SLC22A6: variants seen among roughly 807,000 people sequenced by gnomAD.
SLC22A6 encodes the protein solute carrier family 22 member 6.
Under a neutral mutation model 56.7 loss-of-function variants are expected in SLC22A6, and 45 were observed. That is an observed-to-expected ratio of 0.79 (90% CI 0.63 to 1.02). The LOEUF is 1.02. Ranked by LOEUF, SLC22A6 falls within the 50% of genes least tolerant of loss-of-function variation. SLC22A6 has a pLI of 0.00. For synonymous variants in SLC22A6, 291 were observed against 295.9 expected (o/e 0.98, Z 0.17); for missense variants, 606 against 713.8 (o/e 0.85, Z 1.72).
At chr11:62,981,236 A>G (rs2086250325) in intron 5 of SLC22A6, 24 bp downstream of exon 5, 1 of 1,609,486 alleles carries the variant, frequency 6.2e-7, no homozygotes, top group South Asian at 1.1e-5. Context: ...GGAGGTTATC[A>G]TGGGAAGTCT....
rs545206257 is a variant in SLC22A6 at position 62,984,331 on chromosome 11, G to A, written c.360C>T (p.Ile120=). ...IYDNSTFPST[I]VTEWDLVCSH... is the part of the protein sequence containing the mutation. ...AGCCCCAGGTGCTCACCTCAGTCAC[G>A]ATGGTAGATGGGAAGGTGCTGTTGT... Residue 120 remains isoleucine, a synonymous_variant, in exon 1 of 10, where the codon ATC becomes ATT. Transcript: ENST00000360421. 2.7e-4 allele frequency: 431 copies of A among 1,613,092 alleles called. 6 individuals carry two copies. The South Asian group carries it at 4.4e-3, about 17-fold the overall frequency.
rs1232369532 is a variant in SLC22A6, at chr11:62,983,692, CTG to C, written c.474-3_474-2del. On this transcript the variant is annotated splice_acceptor_variant and splice_polypyrimidine_tract_variant and intron_variant, in intron 2 of 9. Coordinates refer to ENST00000360421, the MANE Select transcript of SLC22A6 (RefSeq NM_153276.3). LOFTEE classifies it high-confidence loss of function. The surrounding 1 kb of genome is among the most constrained non-coding windows in gnomAD (Gnocchi z 4.5). Reference sequence around the variant, plus strand: ...GATGAGTACCTTCCGGCGGCCTAGCCTGTGGGAGGAGGGGAGACTTGTAGCAG... The same window carrying C: ...GATGAGTACCTTCCGGCGGCCTAGCCTGGGAGGAGGGGAGACTTGTAGCAG... The C allele has an allele frequency of 6.2e-7, 1 of 1,606,862 alleles. No individual in the cohort carries two copies.
chr11:62,982,087 C>T, intron 3 of SLC22A6, 77 bp from the exon 4 acceptor site: 2 of 1,447,804 alleles, frequency 1.4e-6, no homozygotes, highest in Admixed American at 2.1e-5. Flanking sequence ...TCCATCCAAA[C>T]CTTGGCCTGT....
Position 62,984,319 on chromosome 11 carries a change from C to A in SLC22A6, c.369+3G>T. ...CCCTGGATGGGGAGCCCCAGGTGCT[C>A]ACCTCAGTCACGATGGTAGATGGGA... On this transcript the variant is annotated splice_donor_region_variant and intron_variant, in intron 1 of 9. Transcript: ENST00000360421. 1 of 1,613,118 alleles carries A rather than the reference C, an allele frequency of 6.2e-7. No individual in the cohort carries two copies. Among genetic ancestry groups the A allele is most frequent in the Non-Finnish European group, 8.5e-7 (1 of 1,179,938 alleles).
rs534797513 is a variant in SLC22A6 at position 62,984,016 on chromosome 11, C to T, written c.401G>A (p.Arg134His). The T allele has an allele frequency of 1.4e-5, 22 of 1,613,704 alleles. No individual in the cohort carries two copies. Among genetic ancestry groups the T allele is most frequent in the South Asian group, 1.3e-4 (12 of 91,002 alleles). Reference sequence around the variant, plus strand: ...CATGTACAAGGACTGGGCCAGCTGGCGTAGGGCCCTGTGAGAGCACACAAG... The same window carrying T: ...CATGTACAAGGACTGGGCCAGCTGGTGTAGGGCCCTGTGAGAGCACACAAG... The part of the protein sequence containing the change: ...WDLVCSHRAL[R>H]QLAQSLYMVG... The change falls in exon 2 of 10, where the codon CGC becomes CAC. Residue 134 changes from arginine to histidine, a missense_variant. Coordinates refer to ENST00000360421, the MANE Select transcript of SLC22A6 (RefSeq NM_153276.3).
intron 6 of SLC22A6, among the ~76,000 whole-genome samples, chr11:62,980,556 AT>A (rs1590675501): frequency 6.6e-6 from 1 of 152,118 alleles, no homozygotes; most frequent in African/African-American, 2.4e-5. Flanking sequence ...GGAAAGGAAG[AT>A]TTTCTTTGGC....
Position 62,979,923 on chromosome 11 carries a change from C to G in SLC22A6, c.1063G>C (p.Gly355Arg), listed in dbSNP as rs776201897. Residue 355 changes from glycine (G) to arginine (R), a missense_variant, in exon 7 of 10, where the codon GGG becomes CGG. Physicochemically the swap from Gly to Arg is moderately radical, Grantham distance 125. Transcript: ENST00000360421. ...LWFATSFAYY[G>R]LVMDLQGFGV... is the part of the protein sequence containing the mutation. ...AAGCCCTGCAGGTCCATGACCAGCC[C>G]ATAGTATGCAAAGCTAGTGGCAAAC... 1 of 1,613,624 alleles carries G rather than the reference C, an allele frequency of 6.2e-7. No individual in the cohort carries two copies. Among genetic ancestry groups the G allele is most frequent in the Non-Finnish European group, 8.5e-7 (1 of 1,179,580 alleles).
At position 62,977,355 on chromosome 11, in the gene SLC22A6, G is replaced by T. The variant is rs750738017; in HGVS notation, c.1394C>A (p.Ala465Asp). ...QTGMGMGSTM[A>D]RVGSIVSPLV... is the part of the protein sequence containing the mutation. ...TGGGCTCACGATGCTGCCCACTCGGGCCATGGTGCTGCCCATTCCCATGCC... is the reference window on the plus strand; with the variant it reads ...TGGGCTCACGATGCTGCCCACTCGGTCCATGGTGCTGCCCATTCCCATGCC... The change falls in exon 9 of 10, where the codon GCC (alanine) becomes GAC (aspartate). Residue 465 changes from alanine (A) to aspartate (D), a missense_variant. Physicochemically the swap from Ala to Asp is moderately radical, Grantham distance 126 (BLOSUM62 -2). Transcript: ENST00000360421. 3.1e-6 allele frequency: 5 copies of T among 1,612,132 alleles called. No homozygotes were observed. The Admixed American group carries it at 6.7e-5, about 21-fold the overall frequency.
chr11:62,984,417 T>C lies in SLC22A6; in HGVS notation c.274A>G (p.Asn92Asp), dbSNP rs959879694. ...TSPQWGLPFLNGTEANGTGAT... is the reference protein window; with the variant it reads ...TSPQWGLPFLDGTEANGTGAT... ...CCTGTGCCATTGGCTTCTGTGCCATTGAGAAAGGGCAGTCCCCACTGCGGG... is the reference window on the plus strand; with the variant it reads ...CCTGTGCCATTGGCTTCTGTGCCATCGAGAAAGGGCAGTCCCCACTGCGGG... Residue 92 changes from asparagine (N) to aspartate (D), a missense_variant, in exon 1 of 10, where the codon AAT becomes GAT. Transcript: ENST00000360421. The C allele has an allele frequency of 6.2e-7, 1 of 1,613,810 alleles. No individual in the cohort carries two copies. Among genetic ancestry groups the C allele is most frequent in the Non-Finnish European group, 8.5e-7 (1 of 1,179,946 alleles).
At chr11:62,980,911 C>T in intron 6 of SLC22A6, 74 bp downstream of exon 6, 2 of 1,275,952 alleles carry the variant, frequency 1.6e-6, no homozygotes, top group Admixed American at 4.7e-5. Context: ...TCTTCTCTGG[C>T]CTCTTTCACC....
chr11:62,984,857 C>CAAGGAGGCTGCTG lies in SLC22A6; in HGVS notation c.-168_-167insCAGCAGCCTCCTT. The CAAGGAGGCTGCTG allele has an allele frequency of 4.6e-6, 3 of 654,148 alleles. No individual in the cohort carries two copies. Among genetic ancestry groups the CAAGGAGGCTGCTG allele is most frequent in the Non-Finnish European group, 7.7e-6 (3 of 387,278 alleles). The allele number at this position is 654,148 out of a possible 1,614,324, so 40.5% of individuals were successfully genotyped here. On this transcript the variant is annotated 5_prime_UTR_variant, in exon 1 of 10. Transcript: ENST00000360421. ...AGCTGCTCTGTGGGGGGACAGCAGC[C>CAAGGAGGCTGCTG]TCCTTGGCTGCTCCTCCTTCTTCCC...
In SLC22A6 at chr11:62,976,864, C is replaced by A; in HGVS notation, c.1583G>T (p.Arg528Leu). 6.2e-7 allele frequency: 1 copy of A among 1,614,044 alleles called. No individual in the cohort carries two copies. Among genetic ancestry groups the A allele is most frequent in the South Asian group, 1.1e-5 (1 of 91,036 alleles). ...DLESRKGKQT[R>L]QQQEHQKYMV... ...ATACTTCTGGTGCTCTTGTTGCTGTCGCGTCTGTTTCCCTTTCCTGCAGGG... is the reference window on the plus strand; with the variant it reads ...ATACTTCTGGTGCTCTTGTTGCTGTAGCGTCTGTTTCCCTTTCCTGCAGGG... Residue 528 changes from arginine to leucine, a missense_variant, in exon 10 of 10, where the codon CGA (arginine) becomes CTA (leucine). Coordinates refer to ENST00000360421, the MANE Select transcript of SLC22A6 (RefSeq NM_153276.3).
intron 4 of SLC22A6, 46 bp from the exon 5 acceptor site, chr11:62,981,429 GTCA>G: frequency 2.0e-6 from 2 of 1,000,788 alleles, no homozygotes; most frequent in Non-Finnish European, 2.7e-6. Context: ...TTCAGTTCCA[GTCA>G]GCTGGGTGGG....
chr11:62,982,715 G>C (rs370215280), intron 3 of SLC22A6, among the ~76,000 whole-genome samples: 25 of 152,164 alleles, frequency 1.6e-4, no homozygotes, highest in Admixed American at 5.9e-4. Context: ...GTAAGCGGGG[G>C]TTGATCCATC....
At chr11:62,984,257 T>G in intron 1 of SLC22A6, 65 bp downstream of exon 1, 1 of 1,550,762 alleles carries the variant, frequency 6.4e-7, no homozygotes, top group South Asian at 1.2e-5. Context: ...TACTTTTTTT[T>G]TTTTTTTAAC....
Position 62,979,559 on chromosome 11 carries a change from C to T in SLC22A6, c.1290G>A (p.Gly430=). ...SIVRTSLAVL[G]KGCLAASFNC... The stretch of plus-strand genomic sequence containing the variant: ...TGAAGGAGGCAGCCAGACAACCCTT[C>T]CCCAGCACAGCAAGAGAGGTTCGGA... The change falls in exon 8 of 10, where the codon GGG becomes GGA. Residue 430 remains glycine (G), a synonymous_variant. Transcript: ENST00000360421. 1 of 1,614,122 alleles carries T rather than the reference C, an allele frequency of 6.2e-7. No individual in the cohort carries two copies.
In SLC22A6 at chr11:62,983,809, G is replaced by T; in HGVS notation, c.474-118C>A. 2 of 1,210,430 alleles carry T rather than the reference G, an allele frequency of 1.7e-6. No homozygotes were observed. Among genetic ancestry groups the T allele is most frequent in the Non-Finnish European group, 1.2e-6 (1 of 865,948 alleles). 75.0% of individuals were successfully genotyped at this position (1,210,430 alleles called of 1,614,324 possible). ...GGGCTGGGGCCTTTTGAGGACCTCT[G>T]AAGTATGAGGCTGGTGCTGTAGATC... On this transcript the variant is annotated intron_variant, in intron 2 of 9. Coordinates refer to ENST00000360421, the MANE Select transcript of SLC22A6 (RefSeq NM_153276.3). This position sits in a 1 kb window ranked among gnomAD's most constrained non-coding sequence, Gnocchi z 4.5.
At position 62,976,800 on chromosome 11, in the gene SLC22A6, T is replaced by C. The variant is rs1410099223; in HGVS notation, c.1647A>G (p.Gly549=). The C allele has an allele frequency of 6.2e-7, 1 of 1,612,854 alleles. No individual in the cohort carries two copies. Among genetic ancestry groups the C allele is most frequent in the South Asian group, 1.1e-5 (1 of 90,682 alleles). Residue 549 remains glycine (G), a synonymous_variant, in exon 10 of 10, where the codon GGA becomes GGG. Transcript: ENST00000360421. Reference sequence around the variant, plus strand: ...TAAGGCCCCTTCTCAGTCCTCAGAGTCCATTCTTCTCTTGTGCTGAGGCCT... The same window carrying C: ...TAAGGCCCCTTCTCAGTCCTCAGAGCCCATTCTTCTCTTGTGCTGAGGCCT... ...PLQASAQEKN[G]L
intron 3 of SLC22A6, 66 bp from the exon 4 acceptor site, chr11:62,982,076 C>T: frequency 6.6e-7 from 1 of 1,507,296 alleles, no homozygotes; most frequent in Non-Finnish European, 9.0e-7. Flanking sequence ...AGGCCCCTCC[C>T]TCCATCCAAA....
Sources: allele counts gnomAD v4.1 joint callset (sites outside exome capture counted in the v4.1 genomes callset), GRCh38; gene constraint gnomAD v4.1.1; non-coding constraint Gnocchi (gnomAD v3.1); transcripts MANE v1.5; gene names NCBI Gene and HGNC (gene_info 2026-07-23, HGNC 2026-07-21).